The following DCHS2 variants were observed in gnomAD, a reference collection of about 807,000 sequenced individuals.
The protein encoded by DCHS2 is protocadherin-23.
A neutral mutation model predicts 182.4 loss-of-function variants in DCHS2; 142 were observed. The ratio of observed to expected loss-of-function variants is 0.78; its 90% CI spans 0.68 to 0.89. The LOEUF (loss-of-function observed/expected upper bound fraction) is 0.89. DCHS2 is among the 40% of genes least tolerant of loss of function. The pLI is 0.00. For synonymous variants in DCHS2, 1,740 were observed against 1,663.3 expected (o/e 1.05, Z -1.12); for missense variants, 4,319 against 4,198.6 (o/e 1.03, Z -0.79).
intron 3 of DCHS2, among the ~76,000 whole-genome samples, chr4:154,338,731 A>G (rs1728929972): frequency 6.6e-6 from 1 of 152,248 alleles, no homozygotes; most frequent in African/African-American, 2.4e-5. Flanking sequence ...TATCAATACA[A>G]TAGAATACTG....
At chr4:154,464,634 C>T (rs2111005098) in intron 1 of DCHS2, among the ~76,000 whole-genome samples, 1 of 152,306 alleles carries the variant, frequency 6.6e-6, no homozygotes, top group South Asian at 2.1e-4. Context: ...TAAAGATTTA[C>T]TGGGAAAGGA....
intron 7 of DCHS2, among the ~76,000 whole-genome samples, chr4:154,325,920 C>G (rs929560194): frequency 4.6e-5 from 7 of 152,340 alleles, no homozygotes; most frequent in African/African-American, 1.2e-4. Flanking sequence ...CTGTAAAATC[C>G]TTGCCTTCCT....
chr4:154,285,539 T>A (rs549321296), intron 13 of DCHS2, among the ~76,000 whole-genome samples: 1 of 152,258 alleles, frequency 6.6e-6, no homozygotes, highest in Admixed American at 6.5e-5. Flanking sequence ...GCAATATTCA[T>A]CACAAGCTGA....
At chr4:154,390,864 G>C (rs971207695) in intron 1 of DCHS2, among the ~76,000 whole-genome samples, 1 of 152,274 alleles carries the variant, frequency 6.6e-6, no homozygotes, top group South Asian at 2.1e-4. Flanking sequence ...TATTTTCATA[G>C]TATTCTTACA....
At chr4:154,422,493 C>T (rs1392621469) in intron 1 of DCHS2, among the ~76,000 whole-genome samples, 1 of 152,206 alleles carries the variant, frequency 6.6e-6, no homozygotes, top group Admixed American at 6.5e-5. Flanking sequence ...TTCTCCTTCT[C>T]TATCAGAACC....
chr4:154,340,849 G>C (rs572729866), intron 3 of DCHS2, among the ~76,000 whole-genome samples: 1 of 152,292 alleles, frequency 6.6e-6, no homozygotes, highest in Non-Finnish European at 1.5e-5. Context: ...CAGTAACTAA[G>C]TGTAACGTCA....
Position 154,468,882 on chromosome 4 carries a change from A to G in DCHS2, c.2052+20422T>C, listed in dbSNP as rs1053941780. 2.6e-5 allele frequency among the ~76,000 whole-genome samples: 4 copies of G among 152,234 alleles called. No individual in the cohort carries two copies. In the South Asian group the frequency reaches 6.2e-4, roughly 24 times the overall value. On this transcript the variant is annotated intron_variant, in intron 1 of 19. Coordinates refer to ENST00000357232, the MANE Select transcript of DCHS2 (RefSeq NM_001358235.2). ...TAAAATACGGATCATGCTATTGTGAAGGCACTTAGAGACTGGTGGAAGAAG... is the reference window on the plus strand; with the variant it reads ...TAAAATACGGATCATGCTATTGTGAGGGCACTTAGAGACTGGTGGAAGAAG...
chr4:154,247,946 C>A (rs1157118951), intron 16 of DCHS2, among the ~76,000 whole-genome samples: 1 of 152,118 alleles, frequency 6.6e-6, no homozygotes, highest in African/African-American at 2.4e-5. Context: ...GTTATCGGAT[C>A]TCAGCCTTGC....
At chr4:154,457,446 C>A (rs148158539) in intron 1 of DCHS2, among the ~76,000 whole-genome samples, 1 of 152,282 alleles carries the variant, frequency 6.6e-6, no homozygotes, top group Admixed American at 6.5e-5. Flanking sequence ...CTCACCCATG[C>A]CTGGTTCCTC....
chr4:154,239,248 T>C lies in DCHS2; in HGVS notation c.7414A>G (p.Thr2472Ala). 1 of 1,613,580 alleles carries C rather than the reference T, an allele frequency of 6.2e-7. No homozygotes were observed. The highest frequency in any genetic ancestry group is 8.5e-7 in the Non-Finnish European group (1 of 1,179,730). Residue 2472 changes from threonine to alanine, a missense_variant, in exon 19 of 20, where the codon ACA (threonine) becomes GCA (alanine). Coordinates refer to ENST00000357232, the MANE Select transcript of DCHS2 (RefSeq NM_001358235.2). ...VGYSVLTLSA[T>A]DLESNENISY... ...ATGTTCTCATTGCTTTCTAAGTCTG[T>C]GGCTGACAGAGTCAGCACTGAATAC...
intron 16 of DCHS2, among the ~76,000 whole-genome samples, chr4:154,244,435 G>A (rs1234862141): frequency 1.3e-5 from 2 of 152,182 alleles, no homozygotes; most frequent in Non-Finnish European, 2.9e-5. Context: ...ATGAAGGCTA[G>A]GAGGGTGGCT....
intron 1 of DCHS2, among the ~76,000 whole-genome samples, chr4:154,473,338 G>A (rs1228699139): frequency 3.9e-5 from 6 of 152,200 alleles, no homozygotes. Context: ...CTAAGCAGAG[G>A]CCGCTATCTG....
chr4:154,234,679 T>A lies in DCHS2; in HGVS notation c.9973A>T (p.Thr3325Ser). Residue 3325 changes from threonine to serine, a missense_variant, in exon 20 of 20, where the codon ACT becomes TCT. Physicochemically the swap from Thr to Ser is moderately conservative, Grantham distance 58. Transcript: ENST00000357232. ...GAAAGAGATGGAGAAAAATTGGGAG[T>A]CATGCCTTCTGGCAGAGAACCAAGA... The part of the protein sequence containing the change: ...YHLGSLPEGM[T>S]PNFSPSLSLL... The A allele has an allele frequency of 2.5e-6, 4 of 1,613,688 alleles. No individual in the cohort carries two copies. Among genetic ancestry groups the A allele is most frequent in the Non-Finnish European group, 3.4e-6 (4 of 1,179,898 alleles).
intron 1 of DCHS2, among the ~76,000 whole-genome samples, chr4:154,432,708 T>A (rs572980779): frequency 2.2e-4 from 33 of 151,810 alleles, no homozygotes; most frequent in African/African-American, 8.0e-4. Context: ...GTGCCCCAGA[T>A]CCAGTCCTAA....
At chr4:154,421,373 G>T (rs202208284) in intron 1 of DCHS2, among the ~76,000 whole-genome samples, 1 of 148,954 alleles carries the variant, frequency 6.7e-6, no homozygotes, top group East Asian at 2.0e-4. Flanking sequence ...TCTCATCTGT[G>T]TTAATTTAAT....
At chr4:154,306,126 G>A (rs1484091304) in intron 10 of DCHS2, among the ~76,000 whole-genome samples, 1 of 152,012 alleles carries the variant, frequency 6.6e-6, no homozygotes, top group Non-Finnish European at 1.5e-5. Context: ...TTATGATCTG[G>A]CAGATATTAT....
chr4:154,283,188 G>C (rs6834201), intron 13 of DCHS2, among the ~76,000 whole-genome samples: 65,859 of 151,914 alleles, frequency 0.43, 14,482 homozygotes, highest in Admixed American at 0.53. Flanking sequence ...AATAAAAAAA[G>C]AAGAAATGCA....
In DCHS2 at chr4:154,256,042, C is replaced by A. The variant is rs563140374; in HGVS notation, c.6790-372G>T. 5.3e-5 allele frequency among the ~76,000 whole-genome samples: 8 copies of A among 152,240 alleles called. No homozygotes were observed. The South Asian group carries it at 1.2e-3, about 24-fold the overall frequency. ...AAAGGGAAAAAATGTTATGGGAAAT[C>A]TCCACATAGTGATAATTTTTTTTTC... On this transcript the variant is annotated intron_variant, in intron 15 of 19. Coordinates refer to ENST00000357232, the MANE Select transcript of DCHS2 (RefSeq NM_001358235.2).
At chr4:154,360,686 G>C (rs1730078852) in intron 3 of DCHS2, among the ~76,000 whole-genome samples, 3 of 152,104 alleles carry the variant, frequency 2.0e-5, no homozygotes, top group Admixed American at 6.6e-5. Context: ...CATTGGAAAA[G>C]AATCTGCCCT....
Sources: allele counts gnomAD v4.1 joint callset (sites outside exome capture counted in the v4.1 genomes callset), GRCh38; gene constraint gnomAD v4.1.1; transcripts MANE v1.5; gene names NCBI Gene and HGNC (gene_info 2026-07-23, HGNC 2026-07-21).